The following OGDH variants were observed in gnomAD, a reference collection of about 807,000 sequenced individuals.
OGDH encodes the protein oxoglutarate dehydrogenase, also known as 2-oxoglutarate dehydrogenase complex component E1.
In OGDH, 38 loss-of-function variants were observed where a neutral mutation model predicts 116.6. That is an observed-to-expected ratio of 0.33 (90% CI 0.25 to 0.43). The LOEUF (loss-of-function observed/expected upper bound fraction) is 0.43, where lower values mean the gene tolerates loss of function less well. Among genes scored for constraint, OGDH ranks in the 20% least tolerant of loss-of-function variants. OGDH has a pLI of 1.00. For synonymous variants in OGDH, 488 were observed against 533.3 expected (o/e 0.92, Z 1.17); for missense variants, 825 against 1,357.2 (o/e 0.61, Z 6.16).
chr7:44,707,628 A>AC lies in OGDH; in HGVS notation c.2847dup (p.Asn950GlnfsTer3). On this transcript the variant is annotated frameshift_variant, in exon 22 of 23. Coordinates refer to ENST00000222673, the MANE Select transcript of OGDH (RefSeq NM_002541.4). LOFTEE classifies it high-confidence loss of function. This position sits in a 1 kb window ranked among gnomAD's most constrained non-coding sequence, Gnocchi z 5.2. ...CTCCTGCTGAAGGAGGTGCAGAAGT[A>AC]CCCCAATGCTGAGCTGGCCTGGTGC... 1.2e-6 allele frequency: 2 copies of AC among 1,614,102 alleles called. No homozygotes were observed. The highest frequency in any genetic ancestry group is 1.7e-6 in the Non-Finnish European group (2 of 1,180,036).
At chr7:44,616,832 T>TGC (rs1456264603) in intron 1 of OGDH, among the ~76,000 whole-genome samples, 130 of 137,796 alleles carry the variant, frequency 9.4e-4, no homozygotes, top group African/African-American at 2.8e-3. Flanking sequence ...TATGTGTATA[T>TGC]ATACACATAT....
At chr7:44,671,502 G>A (rs897308629) in intron 5 of OGDH, among the ~76,000 whole-genome samples, 14 of 152,090 alleles carry the variant, frequency 9.2e-5, no homozygotes, top group South Asian at 2.1e-4. Context: ...GGTGGCTCAC[G>A]CCTGTAATTC....
chr7:44,706,439 G>T (rs1199579556), intron 20 of OGDH, among the ~76,000 whole-genome samples: 3 of 149,088 alleles, frequency 2.0e-5, no homozygotes, highest in Non-Finnish European at 4.5e-5. Context: ...CTCCTGCCTC[G>T]GCCCCCCGAG....
At chr7:44,701,764 TG>T in intron 20 of OGDH, 149 bp downstream of exon 20, 1 of 746,188 alleles carries the variant, frequency 1.3e-6, no homozygotes, top group African/African-American at 1.7e-5. Flanking sequence ...GATACATGGC[TG>T]GGCACAGTGG....
At chr7:44,687,113 T>C (rs1370332721) in intron 10 of OGDH, among the ~76,000 whole-genome samples, 5 of 147,852 alleles carry the variant, frequency 3.4e-5, no homozygotes, top group Non-Finnish European at 6.0e-5. Context: ...TTTTTTTTTT[T>C]CTGAGATGGA....
chr7:44,632,027 C>T (rs1785464308), intron 2 of OGDH, among the ~76,000 whole-genome samples: 1 of 152,174 alleles, frequency 6.6e-6, no homozygotes, highest in African/African-American at 2.4e-5. Context: ...GGGCCAGGAG[C>T]CAGACGCAGC....
At chr7:44,614,695 T>C (rs970775775) in intron 1 of OGDH, among the ~76,000 whole-genome samples, 2 of 152,184 alleles carry the variant, frequency 1.3e-5, no homozygotes, top group African/African-American at 2.4e-5. Context: ...GTTTCAAGCA[T>C]GTTCATAGTT....
chr7:44,705,348 G>A (rs1039409851), intron 20 of OGDH, among the ~76,000 whole-genome samples: 7 of 152,108 alleles, frequency 4.6e-5, no homozygotes, highest in African/African-American at 1.4e-4. Flanking sequence ...CACCGCGCCC[G>A]GCCAAGTTTT....
At chr7:44,621,178 A>G (rs1202758405) in intron 1 of OGDH, among the ~76,000 whole-genome samples, 1 of 152,152 alleles carries the variant, frequency 6.6e-6, no homozygotes, top group African/African-American at 2.4e-5. Flanking sequence ...GGCTCAGGCT[A>G]TCCTTCCACC....
intron 6 of OGDH, 141 bp downstream of exon 6, chr7:44,674,082 T>C: frequency 2.1e-6 from 2 of 947,130 alleles, no homozygotes; most frequent in East Asian, 5.2e-5. Context: ...CATCTGCACA[T>C]GTGTGAAGAG....
intron 1 of OGDH, among the ~76,000 whole-genome samples, chr7:44,608,972 C>G (rs1360972460): frequency 3.9e-5 from 6 of 152,110 alleles, no homozygotes; most frequent in Admixed American, 3.9e-4. Context: ...TAATAAAATT[C>G]AAGATACAGA....
At chr7:44,687,300 G>A (rs972202326) in intron 10 of OGDH, among the ~76,000 whole-genome samples, 4 of 150,958 alleles carry the variant, frequency 2.6e-5, no homozygotes, top group African/African-American at 9.7e-5. Context: ...GTTTCACCAT[G>A]TTGGCCAGAT....
intron 20 of OGDH, among the ~76,000 whole-genome samples, chr7:44,706,433 T>C (rs1235608341): frequency 2.2e-4 from 33 of 151,354 alleles, no homozygotes; most frequent in Non-Finnish European, 4.3e-4. Flanking sequence ...GCAATTCTCC[T>C]GCCTCGGCCC....
At position 44,707,416 on chromosome 7, in the gene OGDH, T is replaced by TC. The variant is rs1333569722; in HGVS notation, c.2796+34dup. 1.2e-6 allele frequency: 2 copies of TC among 1,612,966 alleles called. No individual in the cohort carries two copies. Among genetic ancestry groups the TC allele is most frequent in the Admixed American group, 1.7e-5 (1 of 59,972 alleles). On this transcript the variant is annotated intron_variant, in intron 21 of 22. Coordinates refer to ENST00000222673, the MANE Select transcript of OGDH (RefSeq NM_002541.4). This position sits in a 1 kb window ranked among gnomAD's most constrained non-coding sequence, Gnocchi z 5.2. Reference sequence around the variant, plus strand: ...GAGGGCAGGTGGTGCCATCAGGGTGTCCCCCCAGCGGGGGTCAGGGCTCTG... The same window carrying TC: ...GAGGGCAGGTGGTGCCATCAGGGTGTCCCCCCCAGCGGGGGTCAGGGCTCTG...
chr7:44,666,506 T>C (rs1787189839), intron 4 of OGDH: 2 of 297,208 alleles, frequency 6.7e-6, no homozygotes, highest in Non-Finnish European at 1.2e-5. Flanking sequence ...AATTTTATTG[T>C]GACTTACCTG....
chr7:44,652,885 T>C (rs897672671), intron 4 of OGDH, among the ~76,000 whole-genome samples: 4 of 152,264 alleles, frequency 2.6e-5, no homozygotes, highest in African/African-American at 9.6e-5. Flanking sequence ...GGGAGTCTTT[T>C]TCCACTGGCT....
At chr7:44,607,332 C>G (rs904296420) in intron 1 of OGDH, among the ~76,000 whole-genome samples, 1 of 152,194 alleles carries the variant, frequency 6.6e-6, no homozygotes, top group African/African-American at 2.4e-5. Flanking sequence ...ATATATCAGA[C>G]ATTGGATATG....
intron 10 of OGDH, 26 bp from the exon 11 acceptor site, chr7:44,693,799 C>T (rs990545064): frequency 3.9e-6 from 6 of 1,546,508 alleles, no homozygotes; most frequent in South Asian, 1.2e-5. Context: ...CAGGTGCCCT[C>T]TTGCTAGGCT....
chr7:44,666,944 C>T (rs1277551034), intron 5 of OGDH, 93 bp downstream of exon 5: 17 of 717,814 alleles, frequency 2.4e-5, no homozygotes, highest in Non-Finnish European at 3.4e-5. Flanking sequence ...TTTCTTTGTC[C>T]TATCTTTCTA....
Sources: gnomAD v4.1 joint callset for allele counts (sites outside exome capture counted in the v4.1 genomes callset) on GRCh38, gnomAD v4.1.1 for gene constraint, Gnocchi (gnomAD v3.1) non-coding constraint, MANE v1.5 for transcripts, NCBI Gene and HGNC (gene_info 2026-07-23, HGNC 2026-07-21) for gene names.